Variants in ZMYM4 observed in about 807,000 individuals in gnomAD.
The protein encoded by ZMYM4 is zinc finger MYM-type containing 4.
A neutral mutation model predicts 183.2 loss-of-function variants in ZMYM4; 31 were observed. The ratio of observed to expected loss-of-function variants is 0.17; its 90% CI spans 0.13 to 0.23. The LOEUF is 0.23. ZMYM4 is among the 10% of genes least tolerant of loss of function. ZMYM4 has a pLI of 1.00. For missense variants in ZMYM4, 1,273 were observed against 1,840.3 expected (o/e 0.69, Z 5.64); for synonymous variants, 592 against 631.2 (o/e 0.94, Z 0.93).
At chr1:35,292,861 C>T (rs1437501374) in intron 1 of ZMYM4, among the ~76,000 whole-genome samples, 2 of 152,152 alleles carry the variant, frequency 1.3e-5, no homozygotes, top group Non-Finnish European at 2.9e-5. Flanking sequence ...CCCATTTCCC[C>T]ACCGCCTTCC....
intron 18 of ZMYM4, among the ~76,000 whole-genome samples, 155 bp downstream of exon 18, chr1:35,393,894 A>G (rs1644756463): frequency 6.6e-6 from 1 of 152,176 alleles, no homozygotes; most frequent in Admixed American, 6.5e-5. Flanking sequence ...TGAGTTAGGT[A>G]TTTTCCGCAT....
At chr1:35,361,342 A>T (rs531013210) in intron 4 of ZMYM4, 87 bp downstream of exon 4, 1 of 1,313,822 alleles carries the variant, frequency 7.6e-7, no homozygotes, top group Non-Finnish European at 1.1e-6. Context: ...CTAACAATGT[A>T]TTAGGTAGAG....
intron 2 of ZMYM4, among the ~76,000 whole-genome samples, chr1:35,327,929 A>G (rs1344581629): frequency 1.3e-5 from 2 of 152,238 alleles, no homozygotes; most frequent in African/African-American, 4.8e-5. Flanking sequence ...ACCAGGCCAG[A>G]TAGTAAAACA....
intron 2 of ZMYM4, chr1:35,351,356 A>G (rs1643599077): frequency 6.4e-7 from 1 of 1,572,676 alleles, no homozygotes; most frequent in Non-Finnish European, 8.7e-7. Flanking sequence ...ACTTAATGAA[A>G]GAAGATGAAG....
chr1:35,281,990 A>T (rs1214292778), intron 1 of ZMYM4, among the ~76,000 whole-genome samples: 1 of 152,182 alleles, frequency 6.6e-6, no homozygotes, highest in Non-Finnish European at 1.5e-5. Context: ...AGAACTTCTC[A>T]TTCCTTTTTA....
intron 5 of ZMYM4, among the ~76,000 whole-genome samples, chr1:35,369,814 A>G (rs1381448758): frequency 6.6e-6 from 1 of 152,000 alleles, no homozygotes; most frequent in Non-Finnish European, 1.5e-5. Context: ...CTAAGTAGAT[A>G]CTTTCATTTT....
intron 1 of ZMYM4, among the ~76,000 whole-genome samples, chr1:35,276,176 A>G (rs1639863183): frequency 6.6e-6 from 1 of 152,126 alleles, no homozygotes; most frequent in Non-Finnish European, 1.5e-5. Context: ...TAATACTGAC[A>G]TGCATATTAT....
At chr1:35,318,181 C>T (rs1642136124) in intron 1 of ZMYM4, among the ~76,000 whole-genome samples, 1 of 151,202 alleles carries the variant, frequency 6.6e-6, no homozygotes, top group African/African-American at 2.4e-5. Flanking sequence ...GCCTCACCCT[C>T]CCGAGTAGCT....
At chr1:35,402,742 A>G (rs1161299202) in intron 23 of ZMYM4, among the ~76,000 whole-genome samples, 1 of 152,178 alleles carries the variant, frequency 6.6e-6, no homozygotes, top group African/African-American at 2.4e-5. Context: ...ATTTTCATGT[A>G]TTTACTTTGT....
At chr1:35,359,906 T>TA (rs77332586) in intron 3 of ZMYM4, among the ~76,000 whole-genome samples, 14,400 of 151,636 alleles carry the variant, frequency 0.095, 1,853 homozygotes, top group African/African-American at 0.29. Flanking sequence ...TTTTTTTTAA[T>TA]AAAAAAAACC....
chr1:35,379,798 A>G (rs74899040), intron 7 of ZMYM4, among the ~76,000 whole-genome samples: 4,959 of 152,312 alleles, frequency 0.033, 259 homozygotes, highest in East Asian at 0.24. Flanking sequence ...CTCAGGGAAT[A>G]GGAAAGCCTG....
chr1:35,300,402 G>A (rs1641226994), intron 1 of ZMYM4, among the ~76,000 whole-genome samples: 1 of 152,156 alleles, frequency 6.6e-6, no homozygotes, highest in South Asian at 2.1e-4. Flanking sequence ...CCTTGGTATG[G>A]TTTATTTCAA....
rs1380251191 is a variant in ZMYM4, at chr1:35,365,084, C to T, written c.840+3295C>T. On this transcript the variant is annotated intron_variant, in intron 5 of 29. Coordinates refer to ENST00000314607, the MANE Select transcript of ZMYM4 (RefSeq NM_005095.3). ...TTTTACAGTTACAGATGCTTTTACA[C>T]GTACTGTGTTGCTTAATTCGCCTAA... Among the ~76,000 whole-genome samples, 6 of 152,206 alleles carry T rather than the reference C, an allele frequency of 3.9e-5. No homozygotes were observed. The East Asian group carries it at 9.6e-4, about 24-fold the overall frequency.
At chr1:35,301,858 G>T (rs911253082) in intron 1 of ZMYM4, among the ~76,000 whole-genome samples, 2 of 152,144 alleles carry the variant, frequency 1.3e-5, no homozygotes, top group African/African-American at 4.8e-5. Context: ...GGTTCACTCT[G>T]TATGCTATGT....
chr1:35,387,544 G>T lies in ZMYM4; in HGVS notation c.2203G>T (p.Glu735Ter). The T allele has an allele frequency of 1.2e-6, 2 of 1,613,876 alleles. No homozygotes were observed. Among genetic ancestry groups the T allele is most frequent in the South Asian group, 1.1e-5 (1 of 90,996 alleles). ...VMAMCEYCKIEKIVKETVRFS... is the reference protein window; with the variant it reads ...VMAMCEYCKI ...GGCAATGTGTGAATATTGTAAAATT[G>T]AGAAAATTGTAAAGGAGACTGTTCG... Residue 735 changes from glutamate to a stop codon, truncating the protein, a stop_gained, in exon 13 of 30, where the codon GAG (glutamate) becomes TAG (stop). Transcript: ENST00000314607. LOFTEE classifies it high-confidence loss of function.
intron 1 of ZMYM4, among the ~76,000 whole-genome samples, chr1:35,272,554 C>CT (rs1639666741): frequency 6.6e-6 from 1 of 152,212 alleles, no homozygotes; most frequent in South Asian, 2.1e-4. Flanking sequence ...AGCAGAGGCT[C>CT]TATGGGTTGA....
rs551636785 is a variant in ZMYM4 at position 35,392,040 on chromosome 1, CAAAA to C, written c.2588-170_2588-167del. On this transcript the variant is annotated intron_variant, in intron 15 of 29. Coordinates refer to ENST00000314607, the MANE Select transcript of ZMYM4 (RefSeq NM_005095.3). ...TGGGCAGCAGAGTGAGACTCTGTCTCAAAAAGAAAAAAAAAAAGAAGAAAACCAA... is the reference window on the plus strand; with the variant it reads ...TGGGCAGCAGAGTGAGACTCTGTCTCAGAAAAAAAAAAAGAAGAAAACCAA... Among the ~76,000 whole-genome samples the C allele has an allele frequency of 1.2e-4, 18 of 148,150 alleles. No homozygotes were observed. In the South Asian group the frequency reaches 3.0e-3, roughly 25 times the overall value.
intron 2 of ZMYM4, among the ~76,000 whole-genome samples, chr1:35,349,225 T>C (rs545194076): frequency 1.3e-5 from 2 of 152,246 alleles, no homozygotes; most frequent in Admixed American, 6.5e-5. Context: ...TGACCTCAAG[T>C]GATCTGCCTG....
chr1:35,338,131 A>T (rs1181768416), intron 2 of ZMYM4, among the ~76,000 whole-genome samples: 1 of 152,156 alleles, frequency 6.6e-6, no homozygotes, highest in Non-Finnish European at 1.5e-5. Flanking sequence ...CAGAAACAGA[A>T]GGGAGGTCTC....
Sources: gnomAD v4.1 joint callset for allele counts (sites outside exome capture counted in the v4.1 genomes callset) on GRCh38, gnomAD v4.1.1 for gene constraint, MANE v1.5 for transcripts, NCBI Gene and HGNC (gene_info 2026-07-23, HGNC 2026-07-21) for gene names.